Variants in TNRC18 observed in about 807,000 individuals in gnomAD.
TNRC18 encodes the protein trinucleotide repeat-containing gene 18 protein.
Under a neutral mutation model 226.7 loss-of-function variants are expected in TNRC18, and 69 were observed. That is an observed-to-expected ratio of 0.30 (90% CI 0.25 to 0.37). The LOEUF (loss-of-function observed/expected upper bound fraction) is 0.37, where lower values mean the gene tolerates loss of function less well. Among genes scored for constraint, TNRC18 ranks in the 10% least tolerant of loss-of-function variants. The pLI, the probability that TNRC18 is intolerant of heterozygous loss-of-function variation, is 1.00. For missense variants in TNRC18, 4,754 were observed against 4,256.6 expected (o/e 1.12, Z -3.25); for synonymous variants, 2,449 against 1,927.6 (o/e 1.27, Z -7.09).
intron 24 of TNRC18, among the ~76,000 whole-genome samples, chr7:5,319,952 C>T (rs1020572245): frequency 6.6e-6 from 1 of 152,234 alleles, no homozygotes; most frequent in East Asian, 1.9e-4. Flanking sequence ...CGATCAGACT[C>T]ACGGCAGTAG....
Position 5,421,323 on chromosome 7 carries a change from G to A in TNRC18, c.-77C>T. The A allele has an allele frequency of 8.3e-7, 1 of 1,202,208 alleles. No individual in the cohort carries two copies. Among genetic ancestry groups the A allele is most frequent in the Non-Finnish European group, 1.0e-6 (1 of 961,140 alleles). 74.5% of individuals were successfully genotyped at this position (1,202,208 alleles called of 1,614,324 possible). ...CAGTGGGACCTAAAAGTTCGGCCTC[G>A]GCGTAGTCCCAGAGTCCTCGGGCGG... On this transcript the variant is annotated 5_prime_UTR_variant, in exon 2 of 30. It introduces an in-frame stop codon into an upstream open reading frame of the 5' UTR. Coordinates refer to ENST00000430969, the MANE Select transcript of TNRC18 (RefSeq NM_001080495.3).
Position 5,376,138 on chromosome 7 carries a change from G to A in TNRC18, c.2695C>T (p.Leu899=), listed in dbSNP as rs1225688777. 1 of 1,588,210 alleles carries A rather than the reference G, an allele frequency of 6.3e-7. No individual in the cohort carries two copies. Among genetic ancestry groups the A allele is most frequent in the Admixed American group, 1.8e-5 (1 of 56,166 alleles). ...GRSPLHHAQQ[L]QLFSQQHFLR... is the part of the protein sequence containing the mutation. ...AAGTGCTGCTGTGAGAAGAGCTGCA[G>A]CTGCTGGGCGTGGTGCAGGGGGCTG... The change falls in exon 9 of 30, where the codon CTG becomes TTG. Residue 899 remains leucine (L), a synonymous_variant. Coordinates refer to ENST00000430969, the MANE Select transcript of TNRC18 (RefSeq NM_001080495.3).
At position 5,356,823 on chromosome 7, in the gene TNRC18, T is replaced by TG. The variant is rs1562539001; in HGVS notation, c.5194+92dup. The stretch of plus-strand genomic sequence containing the variant: ...GAGAGAGCGAGAGCGAGAGAGAGAG[T>TG]GAGGGGCGGGGGGGGAAGGAGGACG... On this transcript the variant is annotated intron_variant, in intron 16 of 29. Coordinates refer to ENST00000430969, the MANE Select transcript of TNRC18 (RefSeq NM_001080495.3). 71 of 1,261,190 alleles carry TG rather than the reference T, an allele frequency of 5.6e-5. No homozygotes were observed. The African/African-American group carries it at 1.3e-3, about 23-fold the overall frequency. The allele number at this position is 1,261,190 out of a possible 1,614,324, so 78.1% of individuals were successfully genotyped here. A position where few individuals can be genotyped will look rare whatever the true frequency, so the allele number is the denominator to read the frequency against.
chr7:5,322,084 C>T (rs1193883604), intron 21 of TNRC18, among the ~76,000 whole-genome samples: 1 of 151,988 alleles, frequency 6.6e-6, no homozygotes, highest in Admixed American at 6.6e-5. Flanking sequence ...TCAAGACCAT[C>T]CTAGCTAACA....
intron 5 of TNRC18, among the ~76,000 whole-genome samples, chr7:5,383,492 C>T (rs910306659): frequency 1.3e-5 from 2 of 152,216 alleles, no homozygotes; most frequent in Non-Finnish European, 2.9e-5. Context: ...CCCCAGAGGC[C>T]AGAGGGCTCG....
At chr7:5,419,623 G>A (rs1040900172) in intron 2 of TNRC18, among the ~76,000 whole-genome samples, 2 of 151,876 alleles carry the variant, frequency 1.3e-5, no homozygotes, top group African/African-American at 2.4e-5. Context: ...CCTTGCCCCG[G>A]TCACAGACCC....
In TNRC18 at chr7:5,376,887, G is replaced by T; in HGVS notation, c.2568C>A (p.Gly856=). 1 of 1,611,192 alleles carries T rather than the reference G, an allele frequency of 6.2e-7. No individual in the cohort carries two copies. Among genetic ancestry groups the T allele is most frequent in the East Asian group, 2.2e-5 (1 of 44,780 alleles). ...AYQFVRDPQS[G]QLVVIPSDHL... ...GATCACTGGGAATGACCACCAGCTG[G>T]CCCGATTGGGGGTCCCTGACAAACT... Residue 856 remains glycine (G), a synonymous_variant, in exon 8 of 30, where the codon GGC becomes GGA. Transcript: ENST00000430969.
chr7:5,341,606 A>G (rs1790691788), intron 18 of TNRC18, among the ~76,000 whole-genome samples: 1 of 151,396 alleles, frequency 6.6e-6, no homozygotes, highest in Admixed American at 6.6e-5. Flanking sequence ...TCTACCAAAA[A>G]TACAAAAATC....
chr7:5,352,193 G>T (rs894379781), intron 16 of TNRC18, 99 bp from the exon 17 acceptor site: 1 of 1,308,960 alleles, frequency 7.6e-7, no homozygotes, highest in African/African-American at 1.5e-5. Flanking sequence ...ACTGGAAGGT[G>T]CCAGAACAAA....
chr7:5,377,938 G>C lies in TNRC18; in HGVS notation c.2239C>G (p.Gln747Glu). 2 of 1,613,472 alleles carry C rather than the reference G, an allele frequency of 1.2e-6. No individual in the cohort carries two copies. The highest frequency in any genetic ancestry group is 2.2e-5 in the East Asian group (1 of 44,862). Residue 747 changes from glutamine (Q) to glutamate (E), a missense_variant, in exon 6 of 30, where the codon CAG becomes GAG. Gln to Glu is a conservative substitution (Grantham distance 29). Transcript: ENST00000430969. The surrounding 1 kb of genome is among the most constrained non-coding windows in gnomAD (Gnocchi z 5.8). Reference sequence around the variant, plus strand: ...CACCCTCACCTGAGCAGCTTCTCCTGATCCCGGTCCAGCCGTGCCCCGAGC... The same window carrying C: ...CACCCTCACCTGAGCAGCTTCTCCTCATCCCGGTCCAGCCGTGCCCCGAGC... ...RLLGARLDRD[Q>E]EKLLRESKEL...
chr7:5,391,292 G>T (rs1780278401), intron 3 of TNRC18, among the ~76,000 whole-genome samples: 1 of 151,880 alleles, frequency 6.6e-6, no homozygotes, highest in Non-Finnish European at 1.5e-5. Context: ...CCAGCATCAG[G>T]ACGTGCTGAC....
At chr7:5,406,126 G>A (rs1781448388) in intron 2 of TNRC18, among the ~76,000 whole-genome samples, 2 of 152,198 alleles carry the variant, frequency 1.3e-5, no homozygotes, top group African/African-American at 4.8e-5. Flanking sequence ...CAACGTGGAT[G>A]TACCTTGAGG....
chr7:5,388,364 G>C lies in TNRC18; in HGVS notation c.1460C>G (p.Ala487Gly). 1.9e-6 allele frequency: 3 copies of C among 1,565,534 alleles called. No homozygotes were observed. The highest frequency in any genetic ancestry group is 2.6e-6 in the Non-Finnish European group (3 of 1,159,310). Residue 487 changes from alanine to glycine, a missense_variant, in exon 5 of 30, where the codon GCC (alanine) becomes GGC (glycine). Physicochemically the swap from Ala to Gly is moderately conservative, Grantham distance 60. Coordinates refer to ENST00000430969, the MANE Select transcript of TNRC18 (RefSeq NM_001080495.3). ...GCCGAAGAGCTTGGCGGCCTGTTGGGCTGCAGGACCGGCTGGGCCGCGGGG... is the reference window on the plus strand; with the variant it reads ...GCCGAAGAGCTTGGCGGCCTGTTGGCCTGCAGGACCGGCTGGGCCGCGGGG... ...RAPRGPAGPA[A>G]QQAAKLFGLE...
intron 2 of TNRC18, 84 bp downstream of exon 2, chr7:5,420,976 C>G (rs765666157): frequency 3.3e-6 from 5 of 1,515,800 alleles, no homozygotes; most frequent in Non-Finnish European, 4.5e-6. Context: ...TCGCCGAGCC[C>G]CGGCCGCGAG....
intron 17 of TNRC18, among the ~76,000 whole-genome samples, chr7:5,348,933 G>T (rs1183551664): frequency 1.3e-5 from 2 of 151,902 alleles, no homozygotes; most frequent in Non-Finnish European, 2.9e-5. Context: ...TCCCTGGGGT[G>T]GGCCAATTTG....
At chr7:5,362,950 T>C (rs956013894) in intron 11 of TNRC18, 125 bp from the exon 12 acceptor site, 2 of 959,202 alleles carry the variant, frequency 2.1e-6, no homozygotes, top group East Asian at 5.7e-5. Flanking sequence ...AGGTGCTGAG[T>C]AGACAGAGGC....
chr7:5,369,516 G>A (rs1793952300), intron 11 of TNRC18, among the ~76,000 whole-genome samples: 1 of 152,168 alleles, frequency 6.6e-6, no homozygotes, highest in South Asian at 2.1e-4. Flanking sequence ...ACCCCAGTGA[G>A]GACAGTAAGT....
chr7:5,421,942 T>C (rs1001450361), intron 1 of TNRC18, among the ~76,000 whole-genome samples: 2 of 152,194 alleles, frequency 1.3e-5, no homozygotes, highest in Admixed American at 1.3e-4. Flanking sequence ...ATCCGCAAAG[T>C]TTAATATTTA....
Position 5,356,955 on chromosome 7 carries a change from G to T in TNRC18, c.5155C>A (p.His1719Asn). The change falls in exon 16 of 30, where the codon CAT (histidine) becomes AAT (asparagine). Residue 1719 changes from histidine to asparagine, a missense_variant. His to Asn is a moderately conservative substitution (Grantham distance 68). Transcript: ENST00000430969. ...FKARGQPKSA[H>N]SPFASEVSSY... Reference sequence around the variant, plus strand: ...CTCACTTCCGAGGCAAACGGGGAATGGGCCGACTTGGGCTGGCCTCTGGCC... The same window carrying T: ...CTCACTTCCGAGGCAAACGGGGAATTGGCCGACTTGGGCTGGCCTCTGGCC... 2 of 1,551,382 alleles carry T rather than the reference G, an allele frequency of 1.3e-6. No homozygotes were observed. The highest frequency in any genetic ancestry group is 1.7e-6 in the Non-Finnish European group (2 of 1,146,758).
Sources: gnomAD v4.1 joint callset for allele counts (sites outside exome capture counted in the v4.1 genomes callset) on GRCh38, gnomAD v4.1.1 for gene constraint, Gnocchi (gnomAD v3.1) non-coding constraint, MANE v1.5 for transcripts, NCBI Gene and HGNC (gene_info 2026-07-23, HGNC 2026-07-21) for gene names.